Variants in POLR3B observed in about 807,000 individuals in gnomAD.
POLR3B encodes the protein RNA polymerase III subunit B, also known as DNA-directed RNA polymerase III subunit RPC2.
In POLR3B, 96 loss-of-function variants were observed where a neutral mutation model predicts 147.4. That is an observed-to-expected ratio of 0.65 (90% CI 0.55 to 0.77). The LOEUF (loss-of-function observed/expected upper bound fraction) is 0.77, where lower values mean the gene tolerates loss of function less well. Ranked by LOEUF, POLR3B falls within the 30% of genes least tolerant of loss-of-function variation. The probability of loss-of-function intolerance (pLI) is 0.00; values close to 1 mark genes in which losing one functional copy is unlikely to be tolerated. For missense variants in POLR3B, 1,036 were observed against 1,413.5 expected (o/e 0.73, Z 4.28); for synonymous variants, 461 against 485.9 (o/e 0.95, Z 0.67).
chr12:106,501,124 G>T (rs1361162526), intron 25 of POLR3B, among the ~76,000 whole-genome samples, 199 bp from the exon 26 acceptor site: 1 of 152,144 alleles, frequency 6.6e-6, no homozygotes. Context: ...CTATTTCTTT[G>T]TAAAGCCATT....
intron 12 of POLR3B, among the ~76,000 whole-genome samples, chr12:106,425,894 G>A (rs1211590644): frequency 6.6e-6 from 1 of 152,012 alleles, no homozygotes; most frequent in African/African-American, 2.4e-5. Flanking sequence ...TTATATAAAT[G>A]GAATCATGCC....
chr12:106,383,323 T>C (rs1362928824), intron 9 of POLR3B, among the ~76,000 whole-genome samples: 1 of 152,198 alleles, frequency 6.6e-6, no homozygotes, highest in African/African-American at 2.4e-5. Flanking sequence ...GCACTTGTGA[T>C]TTCCTTCAAG....
intron 23 of POLR3B, among the ~76,000 whole-genome samples, chr12:106,468,982 G>T (rs1370703659): frequency 6.6e-6 from 1 of 152,144 alleles, no homozygotes; most frequent in Non-Finnish European, 1.5e-5. Flanking sequence ...CTGAGTTCAA[G>T]TCCTGGATAT....
chr12:106,427,232 A>G lies in POLR3B; in HGVS notation c.1137A>G (p.Lys379=). The change falls in exon 13 of 28, where the codon AAA becomes AAG. Residue 379 remains lysine (K), a synonymous_variant. Transcript: ENST00000228347. ...TTCTTTTTGAAGACTTGTTCAAAAA[A>G]TTTAATTCTGAAATGAAAAAGATTG... is the stretch of plus-strand genomic sequence containing the variant. ...LSLLFEDLFK[K]FNSEMKKIAD... 1 of 1,602,984 alleles carries G rather than the reference A, an allele frequency of 6.2e-7. No individual in the cohort carries two copies. Among genetic ancestry groups the G allele is most frequent in the Non-Finnish European group, 8.5e-7 (1 of 1,173,424 alleles).
chr12:106,414,020 G>GT (rs939149566), intron 12 of POLR3B, among the ~76,000 whole-genome samples: 27 of 149,696 alleles, frequency 1.8e-4, no homozygotes, highest in Non-Finnish European at 3.0e-4. Flanking sequence ...TATTTTGTGT[G>GT]TTTTTTTTAT....
At chr12:106,508,269 T>A (rs542778667) in intron 27 of POLR3B, among the ~76,000 whole-genome samples, 2 of 152,314 alleles carry the variant, frequency 1.3e-5, no homozygotes, top group Admixed American at 1.3e-4. Context: ...TGCACATACC[T>A]TTGCCACTTT....
At chr12:106,444,969 A>T (rs1418809239) in intron 19 of POLR3B, among the ~76,000 whole-genome samples, 1 of 152,106 alleles carries the variant, frequency 6.6e-6, no homozygotes. Flanking sequence ...GGGAGAAAAA[A>T]ATAAAGATGT....
chr12:106,479,577 G>A (rs955131521), intron 23 of POLR3B, among the ~76,000 whole-genome samples: 8 of 151,592 alleles, frequency 5.3e-5, no homozygotes, highest in African/African-American at 1.7e-4. Flanking sequence ...TAGAGATGGG[G>A]TTTCACTGTG....
At chr12:106,443,014 G>C (rs1447093975) in intron 18 of POLR3B, among the ~76,000 whole-genome samples, 1 of 152,172 alleles carries the variant, frequency 6.6e-6, no homozygotes, top group African/African-American at 2.4e-5. Flanking sequence ...TAGCAGAGCT[G>C]TCCAGTAAAA....
At chr12:106,461,493 A>ACCCC (rs1026711158) in intron 22 of POLR3B, among the ~76,000 whole-genome samples, 1 of 152,136 alleles carries the variant, frequency 6.6e-6, no homozygotes, top group African/African-American at 2.4e-5. Flanking sequence ...TGGGAATCAC[A>ACCCC]CCCCAGTGCA....
At chr12:106,465,924 C>T (rs373322068) in intron 23 of POLR3B, among the ~76,000 whole-genome samples, 1 of 152,078 alleles carries the variant, frequency 6.6e-6, no homozygotes, top group Admixed American at 6.6e-5. Flanking sequence ...AATAAACATA[C>T]GTGTGCATGT....
chr12:106,421,919 C>T (rs1405401793), intron 12 of POLR3B, among the ~76,000 whole-genome samples: 2 of 152,058 alleles, frequency 1.3e-5, no homozygotes, highest in Admixed American at 6.6e-5. Context: ...AGGCTGGTCT[C>T]GAACTCCTGA....
chr12:106,435,135 T>A (rs981855921), intron 16 of POLR3B, among the ~76,000 whole-genome samples: 2 of 151,396 alleles, frequency 1.3e-5, no homozygotes, highest in Non-Finnish European at 2.9e-5. Context: ...TTAAATTATT[T>A]TTTTTTTTTT....
chr12:106,442,348 G>A (rs543663824), intron 18 of POLR3B, among the ~76,000 whole-genome samples: 66 of 152,104 alleles, frequency 4.3e-4, no homozygotes, highest in Non-Finnish European at 8.4e-4. Flanking sequence ...ATGTCAACTT[G>A]GCCAATATTT....
chr12:106,507,993 A>C (rs1197279150), intron 27 of POLR3B, among the ~76,000 whole-genome samples: 1 of 152,158 alleles, frequency 6.6e-6, no homozygotes, highest in African/African-American at 2.4e-5. Context: ...ACAAATATAC[A>C]CACAAAAAAC....
At position 106,369,694 on chromosome 12, in the gene POLR3B, A is replaced by G. The variant is rs1228922109; in HGVS notation, c.404+11A>G. On this transcript the variant is annotated intron_variant, in intron 6 of 27. Transcript: ENST00000228347. ...CTTACCTATCGGCAGGTGAGAAATG[A>G]AATCCGTATTAGAGCCACACTGCCT... The G allele has an allele frequency of 6.5e-7, 1 of 1,539,932 alleles. No homozygotes were observed. The highest frequency in any genetic ancestry group is 1.1e-5 in the South Asian group (1 of 89,678).
intron 22 of POLR3B, 83 bp downstream of exon 22, chr12:106,459,451 C>T (rs1385706250): frequency 1.6e-5 from 13 of 807,290 alleles, no homozygotes; most frequent in East Asian, 1.2e-4. Context: ...TAGGTCTTGG[C>T]GTGTTGGAGA....
chr12:106,361,066 G>A (rs1050713138), intron 1 of POLR3B, among the ~76,000 whole-genome samples: 5 of 152,208 alleles, frequency 3.3e-5, no homozygotes, highest in Non-Finnish European at 5.9e-5. Context: ...TCGCTGTGGA[G>A]TTAAGACATG....
intron 19 of POLR3B, among the ~76,000 whole-genome samples, chr12:106,449,442 T>C (rs2037769639): frequency 6.6e-6 from 1 of 152,186 alleles, no homozygotes; most frequent in African/African-American, 2.4e-5. Flanking sequence ...TGAAAATCTG[T>C]GTATAACTTT....
Sources: gnomAD v4.1 joint callset for allele counts (sites outside exome capture counted in the v4.1 genomes callset) on GRCh38, gnomAD v4.1.1 for gene constraint, MANE v1.5 for transcripts, NCBI Gene and HGNC (gene_info 2026-07-23, HGNC 2026-07-21) for gene names.